The following SLC24A2 variants were observed in gnomAD, a reference collection of about 807,000 sequenced individuals.
SLC24A2 encodes the protein solute carrier family 24 member 2.
In SLC24A2, 36 loss-of-function variants were observed where a neutral mutation model predicts 62.0. The observed-to-expected ratio is 0.58, with a 90% CI of 0.44 to 0.77. The LOEUF (loss-of-function observed/expected upper bound fraction) is 0.77, where lower values mean the gene tolerates loss of function less well. Ranked by LOEUF, SLC24A2 falls within the 30% of genes least tolerant of loss-of-function variation. The probability of loss-of-function intolerance (pLI) is 0.00; values close to 1 mark genes in which losing one functional copy is unlikely to be tolerated. For missense variants in SLC24A2, 846 were observed against 817.9 expected (o/e 1.03, Z -0.42); for synonymous variants, 358 against 294.0 (o/e 1.22, Z -2.23).
At chr9:19,777,825 T>C (rs117609779) in intron 2 of SLC24A2, among the ~76,000 whole-genome samples, 2,843 of 152,266 alleles carry the variant, frequency 0.019, 45 homozygotes, top group Non-Finnish European at 0.032. Flanking sequence ...ATATAAACTG[T>C]TCAAAATTTT....
the SLC24A2 span, among the ~76,000 whole-genome samples, chr9:20,225,534 T>C: frequency 4.1e-5 from 5 of 122,512 alleles, no homozygotes; most frequent in Non-Finnish European, 6.8e-5. Flanking sequence ...ACATTAATGT[T>C]TGTGATATCT....
At chr9:20,122,911 C>A in the SLC24A2 span, among the ~76,000 whole-genome samples, 101 of 152,212 alleles carry the variant, frequency 6.6e-4, no homozygotes, top group African/African-American at 2.2e-3. Context: ...TCAATTTTTA[C>A]TGAGAGCCAG....
chr9:20,286,335 A>T, the SLC24A2 span, among the ~76,000 whole-genome samples: 2 of 152,240 alleles, frequency 1.3e-5, no homozygotes, highest in African/African-American at 4.8e-5. Flanking sequence ...ATGATGTGGC[A>T]GCTGTCACAT....
the SLC24A2 span, among the ~76,000 whole-genome samples, chr9:19,904,586 C>T: frequency 6.6e-6 from 1 of 152,110 alleles, no homozygotes; most frequent in African/African-American, 2.4e-5. Context: ...ATAAAATGAT[C>T]GTTGCATTTG....
chr9:19,510,299 A>G lies in SLC24A2; in HGVS notation c.*5854T>C, dbSNP rs983403291. 6.6e-6 allele frequency: 1 copy of G among 152,132 alleles called. No homozygotes were observed. Among genetic ancestry groups the G allele is most frequent in the South Asian group, 2.1e-4 (1 of 4,828 alleles). The allele number at this position is 152,132 out of a possible 1,614,324, so 9.4% of individuals were successfully genotyped here. A position where few individuals can be genotyped will look rare whatever the true frequency, so the allele number is the denominator to read the frequency against. On this transcript the variant is annotated 3_prime_UTR_variant, in exon 11 of 11. Transcript: ENST00000341998. The stretch of plus-strand genomic sequence containing the variant: ...AAGGCTTAGTAGAGAGGAACTATAA[A>G]AATTATTAAGAGGGTTAAAGACTCA...
chr9:20,100,121 C>G, the SLC24A2 span, among the ~76,000 whole-genome samples: 1 of 152,156 alleles, frequency 6.6e-6, no homozygotes, highest in Non-Finnish European at 1.5e-5. Context: ...GTGATCCTCC[C>G]ACGTCAGCTT....
At chr9:19,828,311 G>C in the SLC24A2 span, among the ~76,000 whole-genome samples, 1 of 151,876 alleles carries the variant, frequency 6.6e-6, no homozygotes, top group Non-Finnish European at 1.5e-5. Context: ...ACAAAGAAAT[G>C]GTACATGATT....
At chr9:19,601,266 G>A (rs1392780895) in intron 4 of SLC24A2, among the ~76,000 whole-genome samples, 1 of 152,182 alleles carries the variant, frequency 6.6e-6, no homozygotes, top group Non-Finnish European at 1.5e-5. Flanking sequence ...ACACCAATCA[G>A]TAGGGTCCTA....
the SLC24A2 span, among the ~76,000 whole-genome samples, chr9:20,194,618 C>T: frequency 3.3e-5 from 5 of 152,032 alleles, no homozygotes; most frequent in Admixed American, 6.6e-5. Flanking sequence ...CCTAAGAACT[C>T]CTTTGTATAG....
At chr9:20,257,131 T>C in the SLC24A2 span, among the ~76,000 whole-genome samples, 1 of 152,224 alleles carries the variant, frequency 6.6e-6, no homozygotes, top group African/African-American at 2.4e-5. Flanking sequence ...GTGGGTCTTC[T>C]GAGGTCTACT....
chr9:19,943,841 A>C, the SLC24A2 span, among the ~76,000 whole-genome samples: 1 of 152,216 alleles, frequency 6.6e-6, no homozygotes. Context: ...TTCATCAAAA[A>C]TGTGGTTAAT....
In SLC24A2 at chr9:19,516,356, G is replaced by C. The variant is rs764933698; in HGVS notation, c.1783C>G (p.Pro595Ala). The C allele has an allele frequency of 5.6e-6, 9 of 1,614,148 alleles. No homozygotes were observed. In the East Asian group the frequency reaches 6.7e-5, roughly 12 times the overall value. Residue 595 changes from proline to alanine, a missense_variant, in exon 11 of 11, where the codon CCA (proline) becomes GCA (alanine). Pro to Ala is a conservative substitution (Grantham distance 27). Coordinates refer to ENST00000341998, the MANE Select transcript of SLC24A2 (RefSeq NM_020344.4). ...LLYTVIHRFQ[P>A]VAVSSNGLFC... ...AGGCCATTGCTGCTGACAGCCACTGGCTGGAATCTGTGAATGACGGTGTAC... is the reference window on the plus strand; with the variant it reads ...AGGCCATTGCTGCTGACAGCCACTGCCTGGAATCTGTGAATGACGGTGTAC...
intron 2 of SLC24A2, among the ~76,000 whole-genome samples, chr9:19,763,333 G>A (rs1822404742): frequency 6.6e-6 from 1 of 152,060 alleles, no homozygotes; most frequent in Non-Finnish European, 1.5e-5. Flanking sequence ...AATTGCCCTG[G>A]CCAGAACTTC....
the SLC24A2 span, among the ~76,000 whole-genome samples, chr9:19,873,020 G>C: frequency 1.3e-5 from 2 of 151,870 alleles, no homozygotes; most frequent in Non-Finnish European, 2.9e-5. Flanking sequence ...GAATGATTCA[G>C]GGCATTATAG....
chr9:20,290,378 G>A, the SLC24A2 span, among the ~76,000 whole-genome samples: 1 of 152,330 alleles, frequency 6.6e-6, no homozygotes, highest in African/African-American at 2.4e-5. Flanking sequence ...ACAGTTTCTT[G>A]TCAGTTGTTT....
At chr9:19,545,544 T>C (rs1834516880) in intron 8 of SLC24A2, among the ~76,000 whole-genome samples, 1 of 152,140 alleles carries the variant, frequency 6.6e-6, no homozygotes, top group Non-Finnish European at 1.5e-5. Flanking sequence ...CGCGGGTTTC[T>C]CCCCATCTTA....
chr9:19,908,372 C>G, the SLC24A2 span, among the ~76,000 whole-genome samples: 1 of 151,900 alleles, frequency 6.6e-6, no homozygotes, highest in Non-Finnish European at 1.5e-5. Flanking sequence ...GACCTAAAAC[C>G]ATAAAAACCC....
At chr9:19,576,147 C>A (rs1836002126) in intron 6 of SLC24A2, among the ~76,000 whole-genome samples, 1 of 152,102 alleles carries the variant, frequency 6.6e-6, no homozygotes, top group Non-Finnish European at 1.5e-5. Context: ...TACGGAGTGT[C>A]AGTATTTTGA....
chr9:20,067,092 T>A, the SLC24A2 span, among the ~76,000 whole-genome samples: 9 of 152,218 alleles, frequency 5.9e-5, no homozygotes, highest in Non-Finnish European at 1.0e-4. Context: ...AAAGGTTTCT[T>A]TTTATTAAAC....
Sources: allele counts gnomAD v4.1 joint callset (sites outside exome capture counted in the v4.1 genomes callset), GRCh38; gene constraint gnomAD v4.1.1; transcripts MANE v1.5; gene names NCBI Gene and HGNC (gene_info 2026-07-23, HGNC 2026-07-21).